The following LYPLAL1 variants were observed in gnomAD, a reference collection of about 807,000 sequenced individuals.
LYPLAL1 encodes lysophospholipase like 1, also known as lysophospholipase-like protein 1.
Under a neutral mutation model 19.7 loss-of-function variants are expected in LYPLAL1, and 23 were observed. That is an observed-to-expected ratio of 1.17 (90% CI 0.84 to 1.65). LYPLAL1 has a LOEUF of 1.65. Among genes scored for constraint, LYPLAL1 ranks in the 40% most tolerant of loss-of-function variants. The pLI, the probability that LYPLAL1 is intolerant of heterozygous loss-of-function variation, is 0.00. For synonymous variants in LYPLAL1, 119 were observed against 96.3 expected (o/e 1.24, Z -1.38); for missense variants, 355 against 279.4 (o/e 1.27, Z -1.93).
chr1:219,229,880 C>T, the LYPLAL1 span, among the ~76,000 whole-genome samples: 3 of 152,140 alleles, frequency 2.0e-5, no homozygotes, highest in Non-Finnish European at 4.4e-5. Flanking sequence ...ATCATACAAA[C>T]TGAAATGATT....
intron 3 of LYPLAL1, among the ~76,000 whole-genome samples, chr1:219,209,272 C>T (rs1474374): frequency 0.46 from 69,398 of 151,742 alleles, 16,344 homozygotes; most frequent in East Asian, 0.66. Flanking sequence ...CTAAACTTTG[C>T]CAGACTGGTA....
the LYPLAL1 span, among the ~76,000 whole-genome samples, chr1:219,394,920 A>G: frequency 6.6e-6 from 1 of 152,206 alleles, no homozygotes; most frequent in Non-Finnish European, 1.5e-5. Context: ...GCTAAGGATA[A>G]TGGCCTCTAG....
the LYPLAL1 span, among the ~76,000 whole-genome samples, chr1:219,306,239 G>T: frequency 4.6e-5 from 7 of 152,150 alleles, no homozygotes; most frequent in African/African-American, 1.7e-4. Flanking sequence ...TCCTAATGCT[G>T]TCAGATATGT....
At chr1:219,343,525 G>A in the LYPLAL1 span, among the ~76,000 whole-genome samples, 3 of 152,084 alleles carry the variant, frequency 2.0e-5, no homozygotes, top group Non-Finnish European at 4.4e-5. Flanking sequence ...TAAATTTATG[G>A]TAATAGCTCA....
intron 3 of LYPLAL1, chr1:219,200,690 G>A (rs1431578971): frequency 1.2e-5 from 3 of 246,662 alleles, no homozygotes; most frequent in Non-Finnish European, 2.5e-5. Flanking sequence ...AGCCAAAAGA[G>A]CTACACATCT....
At chr1:219,215,468 T>G (rs1487998406), downstream of LYPLAL1, among the ~76,000 whole-genome samples, 1 of 152,074 alleles carries the variant, frequency 6.6e-6, no homozygotes, top group African/African-American at 2.4e-5. Context: ...GTGCTTGGAG[T>G]GCCCTCTGAT....
chr1:219,175,161 G>A (rs1655709391), intron 1 of LYPLAL1: 1 of 915,920 alleles, frequency 1.1e-6, no homozygotes, highest in South Asian at 5.0e-5. Flanking sequence ...AGGTCTCTTA[G>A]CTGTTACTGT....
the LYPLAL1 span, among the ~76,000 whole-genome samples, chr1:219,332,741 G>GT: frequency 0.66 from 98,378 of 148,724 alleles, 33,012 homozygotes; most frequent in East Asian, 0.86. Flanking sequence ...GCAACTAAAT[G>GT]TTTTTTTTTA....
chr1:219,444,799 T>C, the LYPLAL1 span, among the ~76,000 whole-genome samples: 4,966 of 152,306 alleles, frequency 0.033, 248 homozygotes, highest in African/African-American at 0.11. Flanking sequence ...ATCCCAGCTC[T>C]TCCTCCAGAA....
the LYPLAL1 span, among the ~76,000 whole-genome samples, chr1:219,269,250 T>C: frequency 6.6e-6 from 1 of 152,184 alleles, no homozygotes; most frequent in Non-Finnish European, 1.5e-5. Context: ...AAGGGAAGCA[T>C]GTGTTAGCTA....
the LYPLAL1 span, among the ~76,000 whole-genome samples, chr1:219,363,119 G>A: frequency 6.6e-6 from 1 of 152,150 alleles, no homozygotes; most frequent in South Asian, 2.1e-4. Context: ...AATTAAAAAC[G>A]TGGCCAAAAA....
chr1:219,388,323 CT>C, the LYPLAL1 span, among the ~76,000 whole-genome samples: 4 of 152,180 alleles, frequency 2.6e-5, no homozygotes, highest in Admixed American at 6.5e-5. Context: ...ATCTCTCTCT[CT>C]CTCCCTCTCT....
intron 2 of LYPLAL1, among the ~76,000 whole-genome samples, chr1:219,191,210 A>G (rs1280331349): frequency 1.3e-5 from 2 of 151,582 alleles, no homozygotes; most frequent in African/African-American, 2.4e-5. Context: ...TGAGACATCT[A>G]TTAAGACAAA....
the LYPLAL1 span, among the ~76,000 whole-genome samples, chr1:219,278,678 A>AAACAAC: frequency 0.77 from 115,847 of 150,638 alleles, 46,545 homozygotes; most frequent in Non-Finnish European, 0.89. Context: ...AAAAATCACT[A>AAACAAC]AACAACAACA....
chr1:219,430,202 G>C, the LYPLAL1 span, among the ~76,000 whole-genome samples: 1 of 149,924 alleles, frequency 6.7e-6, no homozygotes, highest in Admixed American at 6.7e-5. Flanking sequence ...GCTGAGGTGG[G>C]AGGATTGCCT....
the LYPLAL1 span, among the ~76,000 whole-genome samples, chr1:219,344,672 C>A: frequency 6.6e-6 from 1 of 152,144 alleles, no homozygotes; most frequent in South Asian, 2.1e-4. Flanking sequence ...CATGTTTCTC[C>A]CCTGAGCCTG....
At chr1:219,354,050 G>T in the LYPLAL1 span, among the ~76,000 whole-genome samples, 1 of 152,172 alleles carries the variant, frequency 6.6e-6, no homozygotes, top group Non-Finnish European at 1.5e-5. Context: ...CATGGAAGTA[G>T]AAACAGTCCA....
chr1:219,334,523 A>AGG, the LYPLAL1 span, among the ~76,000 whole-genome samples: 44 of 81,496 alleles, frequency 5.4e-4, no homozygotes, highest in African/African-American at 1.4e-3. Flanking sequence ...CATAATGAAG[A>AGG]GGGGTGTGTG....
At chr1:219,355,881 T>A in the LYPLAL1 span, among the ~76,000 whole-genome samples, 1 of 151,680 alleles carries the variant, frequency 6.6e-6, no homozygotes, top group East Asian at 1.9e-4. Flanking sequence ...GGACAAAAAA[T>A]CAGAAAGAAA....
Sources: allele counts gnomAD v4.1 joint callset (sites outside exome capture counted in the v4.1 genomes callset), GRCh38; gene constraint gnomAD v4.1.1; transcripts MANE v1.5; gene names NCBI Gene and HGNC (gene_info 2026-07-23, HGNC 2026-07-21).